GABRB3: variants seen among roughly 807,000 people sequenced by gnomAD.
The protein encoded by GABRB3 is gamma-aminobutyric acid receptor subunit beta-3.
GABRB3 carries 14 observed loss-of-function variants against 52.1 expected under a neutral mutation model. The ratio of observed to expected loss-of-function variants is 0.27; its 90% CI spans 0.18 to 0.42. GABRB3 has a LOEUF of 0.42. Ranked by LOEUF, GABRB3 falls within the 10% of genes least tolerant of loss-of-function variation. The probability of loss-of-function intolerance (pLI) is 1.00; values close to 1 mark genes in which losing one functional copy is unlikely to be tolerated. For missense variants in GABRB3, 307 were observed against 609.1 expected (o/e 0.50, Z 5.22); for synonymous variants, 260 against 232.3 (o/e 1.12, Z -1.08).
At chr15:26,562,775 G>A (rs1890036944) in intron 7 of GABRB3, among the ~76,000 whole-genome samples, 1 of 152,144 alleles carries the variant, frequency 6.6e-6, no homozygotes, top group East Asian at 1.9e-4. Context: ...TCCAACACAA[G>A]CGCTCCCTCC....
chr15:26,559,373 T>C (rs1475824092), intron 8 of GABRB3, among the ~76,000 whole-genome samples: 1 of 152,184 alleles, frequency 6.6e-6, no homozygotes, highest in African/African-American at 2.4e-5. Context: ...CGGGCAGACA[T>C]TATTGCCATG....
intron 3 of GABRB3, among the ~76,000 whole-genome samples, chr15:26,691,435 G>A (rs1251458808): frequency 6.6e-6 from 1 of 152,134 alleles, no homozygotes; most frequent in African/African-American, 2.4e-5. Context: ...GGAGCCTCTG[G>A]CCCTATTAGC....
intron 3 of GABRB3, among the ~76,000 whole-genome samples, chr15:26,711,463 C>G (rs979119992): frequency 1.9e-5 from 2 of 105,908 alleles, no homozygotes; most frequent in African/African-American, 5.7e-5. Flanking sequence ...CACTGCTCCG[C>G]TCGGCCTCAT....
upstream of GABRB3, chr15:26,773,714 C>G (rs1356927141): frequency 6.4e-7 from 1 of 1,569,166 alleles, no homozygotes. Flanking sequence ...CTCCAGGAGC[C>G]CGGAGCACAT....
chr15:26,594,353 G>A (rs184615268), intron 4 of GABRB3, among the ~76,000 whole-genome samples: 15 of 151,888 alleles, frequency 9.9e-5, no homozygotes, highest in Admixed American at 9.8e-4. Flanking sequence ...CCTTTGCCCA[G>A]GATTTGCTGC....
intron 3 of GABRB3, among the ~76,000 whole-genome samples, chr15:26,713,103 G>A (rs1040246602): frequency 1.3e-5 from 2 of 152,186 alleles, no homozygotes; most frequent in African/African-American, 4.8e-5. Context: ...TGGTCAAGGT[G>A]CCCATGAGGG....
chr15:26,574,492 G>A (rs1890521476), intron 6 of GABRB3, among the ~76,000 whole-genome samples: 1 of 152,146 alleles, frequency 6.6e-6, no homozygotes. Flanking sequence ...ATAGCTAGTA[G>A]CCCAAAGGGA....
chr15:26,548,628 G>A (rs186581912), intron 8 of GABRB3, among the ~76,000 whole-genome samples: 29 of 152,192 alleles, frequency 1.9e-4, no homozygotes, highest in East Asian at 1.5e-3. Flanking sequence ...GATGACTTCC[G>A]TGGAGTAGAT....
chr15:26,749,126 GT>G (rs375362791), intron 3 of GABRB3, among the ~76,000 whole-genome samples: 14 of 151,070 alleles, frequency 9.3e-5, no homozygotes, highest in African/African-American at 2.2e-4. Context: ...AAATTTGAGA[GT>G]TTTTTTTTCT....
rs1451192565 is a variant in GABRB3, at chr15:26,546,200, TC to T, written c.*1592del. On this transcript the variant is annotated 3_prime_UTR_variant, in exon 9 of 9. Coordinates refer to ENST00000311550, the MANE Select transcript of GABRB3 (RefSeq NM_000814.6). ...CTGCAAATTTTGCTTTTTATTTTTTTCTCCAAATGCTCAACTTCACTGTGAC... is the reference window on the plus strand; with the variant it reads ...CTGCAAATTTTGCTTTTTATTTTTTTTCCAAATGCTCAACTTCACTGTGAC... The T allele has an allele frequency of 1.3e-5, 2 of 152,604 alleles. No individual in the cohort carries two copies. Among genetic ancestry groups the T allele is most frequent in the African/African-American group, 4.8e-5 (2 of 41,444 alleles). The allele number at this position is 152,604 out of a possible 1,614,324, so 9.5% of individuals were successfully genotyped here.
intron 3 of GABRB3, among the ~76,000 whole-genome samples, chr15:26,741,854 C>G (rs1889643769): frequency 6.6e-6 from 1 of 152,170 alleles, no homozygotes; most frequent in African/African-American, 2.4e-5. Context: ...AAGAGATGCT[C>G]CTGCCTTGGC....
At position 26,618,836 on chromosome 15, in the gene GABRB3, T is replaced by C. The variant is rs1243735238; in HGVS notation, c.461+2478A>G. Among the ~76,000 whole-genome samples, 449 of 150,974 alleles carry C rather than the reference T, an allele frequency of 3.0e-3. 3 individuals carry two copies. Among genetic ancestry groups the C allele is most frequent in the African/African-American group, 0.01 (425 of 41,052 alleles). On this transcript the variant is annotated intron_variant, in intron 4 of 8. Transcript: ENST00000311550. ...AAATTTACAAGAAAAAAACAAACAA[T>C]CCCATCAAAAAGTGGGCGAAGGACA...
At chr15:26,708,944 T>G (rs959828095) in intron 3 of GABRB3, among the ~76,000 whole-genome samples, 1 of 152,228 alleles carries the variant, frequency 6.6e-6, no homozygotes, top group East Asian at 1.9e-4. Flanking sequence ...GTGTTAGCTA[T>G]TACTATTAGT....
intron 3 of GABRB3, among the ~76,000 whole-genome samples, chr15:26,752,528 G>T (rs1186080696): frequency 2.0e-5 from 3 of 152,058 alleles, no homozygotes; most frequent in Non-Finnish European, 4.4e-5. Context: ...CTCCCAAAGT[G>T]CTGGGATTAC....
chr15:26,772,814 G>T, intron 1 of GABRB3, 42 bp from the exon 2 acceptor site: 1 of 1,493,032 alleles, frequency 6.7e-7, no homozygotes, highest in Non-Finnish European at 8.9e-7. Flanking sequence ...GGTCAGGGGC[G>T]GCTCAGCCGC....
chr15:26,665,300 T>C (rs1887674945), intron 3 of GABRB3, among the ~76,000 whole-genome samples: 1 of 152,096 alleles, frequency 6.6e-6, no homozygotes, highest in East Asian at 1.9e-4. Context: ...CGAGTTCAAT[T>C]TCGGGGGAAG....
intron 3 of GABRB3, among the ~76,000 whole-genome samples, chr15:26,676,919 A>T (rs1888087008): frequency 6.6e-6 from 1 of 152,170 alleles, no homozygotes; most frequent in Non-Finnish European, 1.5e-5. Context: ...ACTTTGGTTT[A>T]AAAATCTATT....
chr15:26,711,333 G>T (rs1281426552), intron 3 of GABRB3, among the ~76,000 whole-genome samples: 1 of 152,146 alleles, frequency 6.6e-6, no homozygotes, highest in East Asian at 1.9e-4. Context: ...TTCCCGGGTA[G>T]ACACCACCAC....
chr15:26,641,243 C>T (rs760389130), intron 3 of GABRB3, among the ~76,000 whole-genome samples: 2 of 152,234 alleles, frequency 1.3e-5, no homozygotes, highest in South Asian at 2.1e-4. Flanking sequence ...CGCCTTCTGA[C>T]GCAGGACATG....
Sources: gnomAD v4.1 joint callset for allele counts (sites outside exome capture counted in the v4.1 genomes callset) on GRCh38, gnomAD v4.1.1 for gene constraint, MANE v1.5 for transcripts, NCBI Gene and HGNC (gene_info 2026-07-23, HGNC 2026-07-21) for gene names.